DLST: variants seen among roughly 807,000 people sequenced by gnomAD.
The protein encoded by DLST is dihydrolipoyllysine-residue succinyltransferase component of 2-oxoglutarate dehydrogenase complex, mitochondrial.
In DLST, 17 loss-of-function variants were observed where a neutral mutation model predicts 53.1. The ratio of observed to expected loss-of-function variants is 0.32; its 90% CI spans 0.22 to 0.48. The LOEUF (loss-of-function observed/expected upper bound fraction) is 0.48. Among genes scored for constraint, DLST ranks in the 20% least tolerant of loss-of-function variants. DLST has a pLI of 0.99. For missense variants in DLST, 512 were observed against 583.9 expected, an observed-to-expected ratio of 0.88 and a Z score of 1.27; for synonymous variants, 206 against 204.8, an observed-to-expected ratio of 1.01 and a Z score of -0.05.
chr14:74,894,770 A>T (rs1439788888), intron 10 of DLST, among the ~76,000 whole-genome samples: 1 of 151,692 alleles, frequency 6.6e-6, no homozygotes, highest in Non-Finnish European at 1.5e-5. Context: ...GATGGTCTCG[A>T]TCTCCTGACC....
At chr14:74,882,253 C>G (rs1051354312) in intron 1 of DLST, among the ~76,000 whole-genome samples, 4 of 152,162 alleles carry the variant, frequency 2.6e-5, no homozygotes, top group African/African-American at 9.7e-5. Context: ...CTGCTGTACC[C>G]CACCCTCCGC....
rs1241945741 is a variant in DLST at position 74,891,011 on chromosome 14, G to T, written c.331-45G>T. On this transcript the variant is annotated intron_variant, in intron 6 of 14. Coordinates refer to ENST00000334220, the MANE Select transcript of DLST (RefSeq NM_001933.5). ...GATTCTATACAGCTAATTTTCTAATGCTGGATAAACATTTGGACTTCCTCC... is the reference window on the plus strand; with the variant it reads ...GATTCTATACAGCTAATTTTCTAATTCTGGATAAACATTTGGACTTCCTCC... The T allele has an allele frequency of 2.5e-6, 4 of 1,585,606 alleles. No homozygotes were observed. In the African/African-American group the frequency reaches 5.4e-5, roughly 21 times the overall value.
intron 10 of DLST, 86 bp downstream of exon 10, chr14:74,894,495 T>G: frequency 7.6e-7 from 1 of 1,308,842 alleles, no homozygotes; most frequent in Non-Finnish European, 1.1e-6. Flanking sequence ...GTGCTGATTC[T>G]AAAACTAACT....
chr14:74,883,001 A>G (rs1174030577), intron 2 of DLST, among the ~76,000 whole-genome samples: 1 of 152,232 alleles, frequency 6.6e-6, no homozygotes, highest in Admixed American at 6.5e-5. Flanking sequence ...GTGACTTAAA[A>G]GTTATGGCCA....
intron 2 of DLST, among the ~76,000 whole-genome samples, chr14:74,883,743 C>T (rs971040728): frequency 1.3e-5 from 2 of 152,144 alleles, no homozygotes; most frequent in Non-Finnish European, 2.9e-5. Flanking sequence ...AAAGCCTTGG[C>T]CATGGTCACC....
At chr14:74,886,250 T>A (rs924688825) in intron 3 of DLST, among the ~76,000 whole-genome samples, 1 of 152,260 alleles carries the variant, frequency 6.6e-6, no homozygotes, top group Non-Finnish European at 1.5e-5. Context: ...GTCAGGCTGC[T>A]TACTCTACAG....
At chr14:74,885,554 T>C (rs1566788841) in intron 2 of DLST, 32 bp from the exon 3 acceptor site, 2 of 1,611,002 alleles carry the variant, frequency 1.2e-6, no homozygotes, top group East Asian at 2.2e-5. Context: ...GAGATAAGAG[T>C]TGTTGGTTAA....
chr14:74,895,485 A>G (rs190913913), intron 10 of DLST, among the ~76,000 whole-genome samples: 38 of 152,328 alleles, frequency 2.5e-4, no homozygotes, highest in African/African-American at 9.1e-4. Flanking sequence ...GCTGGGCACC[A>G]TGGCTCGTGC....
At chr14:74,901,320 T>C in intron 14 of DLST, 87 bp downstream of exon 14, 1 of 1,321,686 alleles carries the variant, frequency 7.6e-7, no homozygotes, top group Non-Finnish European at 1.0e-6. Flanking sequence ...ACATTAACTA[T>C]AATTTCAGGC....
chr14:74,885,897 CTT>C (rs1477574368), intron 3 of DLST: 1 of 392,932 alleles, frequency 2.5e-6, no homozygotes, highest in Non-Finnish European at 4.5e-6. Flanking sequence ...TTGGAATCCT[CTT>C]TTTATGGGAT....
Position 74,898,366 on chromosome 14 carries a change from C to G in DLST, c.771-3C>G. On this transcript the variant is annotated splice_polypyrimidine_tract_variant and splice_region_variant and intron_variant, in intron 10 of 14. Coordinates refer to ENST00000334220, the MANE Select transcript of DLST (RefSeq NM_001933.5). ...GTCAGTTTGTTTTGTAATATTTTCA[C>G]AGTAACATCCAGGAGATGAGGGCTC... 1 of 1,609,234 alleles carries G rather than the reference C, an allele frequency of 6.2e-7. No individual in the cohort carries two copies. The highest frequency in any genetic ancestry group is 8.5e-7 in the Non-Finnish European group (1 of 1,178,840).
chr14:74,884,398 A>G (rs1343768043), intron 2 of DLST, among the ~76,000 whole-genome samples: 2 of 152,200 alleles, frequency 1.3e-5, no homozygotes. Flanking sequence ...ATAGGTGGGC[A>G]GGACAATGGA....
At chr14:74,900,036 C>A in intron 12 of DLST, 40 bp downstream of exon 12, 1 of 1,499,476 alleles carries the variant, frequency 6.7e-7, no homozygotes, top group Non-Finnish European at 9.3e-7. Context: ...GGTCTTAGAC[C>A]CTCACCTTAT....
chr14:74,895,891 G>C (rs1013594884), intron 10 of DLST, among the ~76,000 whole-genome samples: 1 of 152,056 alleles, frequency 6.6e-6, no homozygotes, highest in African/African-American at 2.4e-5. Flanking sequence ...GCGAGATTGT[G>C]TCTCAAAAAA....
intron 14 of DLST, 77 bp downstream of exon 14, chr14:74,901,310 A>C: frequency 2.2e-6 from 3 of 1,387,778 alleles, no homozygotes; most frequent in Non-Finnish European, 9.9e-7. Flanking sequence ...TAATTGTAAA[A>C]CATTAACTAT....
At chr14:74,887,878 A>G (rs1439150217) in intron 3 of DLST, among the ~76,000 whole-genome samples, 1 of 152,240 alleles carries the variant, frequency 6.6e-6, no homozygotes, top group African/African-American at 2.4e-5. Flanking sequence ...TGACATTATA[A>G]AAGTAAAAAT....
chr14:74,889,666 T>C (rs535803554), intron 5 of DLST: 43 of 563,394 alleles, frequency 7.6e-5, no homozygotes, highest in African/African-American at 7.6e-4. Flanking sequence ...AGCCACTGCG[T>C]GAGCCACTGC....
chr14:74,885,469 C>T lies in DLST; in HGVS notation c.98-117C>T, dbSNP rs984165400. 21 of 1,027,286 alleles carry T rather than the reference C, an allele frequency of 2.0e-5. 1 individual carries two copies. In the South Asian group the frequency reaches 2.2e-4, roughly 11 times the overall value. The allele number at this position is 1,027,286 out of a possible 1,614,324, so 63.6% of individuals were successfully genotyped here. The stretch of plus-strand genomic sequence containing the variant: ...AGGACTCTATGATAAAGATTATATC[C>T]GTTGCCGTTGATCCTGCTCTGTCTC... On this transcript the variant is annotated intron_variant, in intron 2 of 14. Transcript: ENST00000334220.
rs773592672 is a variant in DLST at position 74,889,107 on chromosome 14, T to C, written c.159T>C (p.Ser53=). ...GTTTCTTTTGTAGCATTAACAACAGTGTCTTCAGTGTTCGCTTTTTCAGAA... is the reference window on the plus strand; with the variant it reads ...GTTTCTTTTGTAGCATTAACAACAGCGTCTTCAGTGTTCGCTTTTTCAGAA... ...PNSRKVVINN[S]VFSVRFFRTT... Residue 53 remains serine, a synonymous_variant, in exon 4 of 15, where the codon AGT becomes AGC. Transcript: ENST00000334220. The C allele has an allele frequency of 1.2e-6, 2 of 1,614,060 alleles. No homozygotes were observed. The highest frequency in any genetic ancestry group is 1.1e-5 in the South Asian group (1 of 91,086).
Sources: gnomAD v4.1 joint callset for allele counts (sites outside exome capture counted in the v4.1 genomes callset) on GRCh38, gnomAD v4.1.1 for gene constraint, MANE v1.5 for transcripts, NCBI Gene and HGNC (gene_info 2026-07-23, HGNC 2026-07-21) for gene names.